ANAPC5: variants seen among roughly 807,000 people sequenced by gnomAD.
ANAPC5 encodes anaphase-promoting complex subunit 5.
ANAPC5 carries 60 observed loss-of-function variants against 91.3 expected under a neutral mutation model. That is an observed-to-expected ratio of 0.66 (90% CI 0.53 to 0.81). The LOEUF is 0.81. ANAPC5 is among the 40% of genes least tolerant of loss of function. The pLI is 0.00. For missense variants in ANAPC5, 690 were observed against 931.5 expected (o/e 0.74, Z 3.37); for synonymous variants, 340 against 364.1 (o/e 0.93, Z 0.75).
intron 15 of ANAPC5, among the ~76,000 whole-genome samples, chr12:121,314,507 A>G (rs575928560): frequency 6.6e-6 from 1 of 152,322 alleles, no homozygotes; most frequent in South Asian, 2.1e-4. Context: ...AAAACACTAA[A>G]TAAACTAGGA....
chr12:121,321,869 TTGC>T (rs941271289), intron 11 of ANAPC5, among the ~76,000 whole-genome samples: 6 of 150,448 alleles, frequency 4.0e-5, no homozygotes, highest in Admixed American at 2.6e-4. Flanking sequence ...GCTGTTGTTG[TTGC>T]TTTTTTTTTT....
upstream of ANAPC5, among the ~76,000 whole-genome samples, chr12:121,352,711 GTT>G (rs1555275612): frequency 6.8e-6 from 1 of 146,490 alleles, no homozygotes; most frequent in African/African-American, 2.5e-5. Flanking sequence ...GTTGTTGGTT[GTT>G]GTTGTTGGTG....
chr12:121,318,680 A>G, intron 13 of ANAPC5, 72 bp from the exon 14 acceptor site: 3 of 1,327,940 alleles, frequency 2.3e-6, no homozygotes, highest in South Asian at 2.4e-5. Context: ...AATTTATTCA[A>G]TTGCGCTATA....
chr12:121,313,823 CAATT>C (rs1202717750), intron 15 of ANAPC5, among the ~76,000 whole-genome samples: 1 of 152,136 alleles, frequency 6.6e-6, no homozygotes, highest in Non-Finnish European at 1.5e-5. Context: ...AACTTTAAAA[CAATT>C]AACACCAATC....
intron 9 of ANAPC5, chr12:121,328,720 C>T (rs2136783807): frequency 2.2e-6 from 1 of 455,438 alleles, no homozygotes; most frequent in East Asian, 3.7e-5. Flanking sequence ...AAAGAGCCAG[C>T]AGGGCTTTAG....
chr12:121,339,573 C>A (rs1463248348), intron 5 of ANAPC5, among the ~76,000 whole-genome samples: 1 of 152,114 alleles, frequency 6.6e-6, no homozygotes, highest in Non-Finnish European at 1.5e-5. Flanking sequence ...TGGGTTCAAG[C>A]GATTCTTCTG....
At chr12:121,334,606 A>G (rs1437934101) in intron 7 of ANAPC5, 1 of 152,176 alleles carries the variant, frequency 6.6e-6, no homozygotes, top group Non-Finnish European at 1.5e-5. Flanking sequence ...ATTTACTAAA[A>G]CATAATTGAT....
In ANAPC5 at chr12:121,318,427, G is replaced by T; in HGVS notation, c.1746-3C>A. 1 of 1,610,730 alleles carries T rather than the reference G, an allele frequency of 6.2e-7. No homozygotes were observed. Among genetic ancestry groups the T allele is most frequent in the South Asian group, 1.1e-5 (1 of 90,666 alleles). Reference sequence around the variant, plus strand: ...GCTCTGCCACGGACAGTAGGACACTGACCGTAAAGAGGAAAACACAGGATG... The same window carrying T: ...GCTCTGCCACGGACAGTAGGACACTTACCGTAAAGAGGAAAACACAGGATG... On this transcript the variant is annotated splice_region_variant and splice_polypyrimidine_tract_variant and intron_variant, in intron 14 of 16. Transcript: ENST00000261819.
intron 4 of ANAPC5, among the ~76,000 whole-genome samples, chr12:121,343,224 G>A (rs1336507203): frequency 6.6e-6 from 1 of 152,176 alleles, no homozygotes; most frequent in Non-Finnish European, 1.5e-5. Context: ...TAACATTTCT[G>A]CAGAAGTGAC....
In ANAPC5 at chr12:121,342,030, T is replaced by C; in HGVS notation, c.630A>G (p.Lys210=). The C allele has an allele frequency of 1.2e-6, 2 of 1,608,536 alleles. No individual in the cohort carries two copies. Among genetic ancestry groups the C allele is most frequent in the Non-Finnish European group, 8.5e-7 (1 of 1,178,232 alleles). Residue 210 remains lysine (K), a synonymous_variant, in exon 5 of 17, where the codon AAA becomes AAG. Transcript: ENST00000261819. This position sits in a 1 kb window ranked among gnomAD's most constrained non-coding sequence, Gnocchi z 4.1. ...EVSCSGPLSQ[K]QAEFFLSQQA... ...GTTGAGAAAGAAAAAATTCTGCTTG[T>C]TTTTGGGACAGAGGCCCACTGCAAG... is the stretch of plus-strand genomic sequence containing the variant.
At chr12:121,347,271 T>G in intron 2 of ANAPC5, 3 of 419,534 alleles carry the variant, frequency 7.2e-6, no homozygotes, top group South Asian at 6.5e-5. Flanking sequence ...CTAAAAAGAG[T>G]AAGATGGATC....
intron 9 of ANAPC5, among the ~76,000 whole-genome samples, chr12:121,330,187 C>T (rs1902989798): frequency 6.6e-6 from 1 of 152,104 alleles, no homozygotes; most frequent in Admixed American, 6.5e-5. Flanking sequence ...ATGTAAAATC[C>T]ACTCAGCCTG....
chr12:121,350,452 C>T (rs550931187), intron 1 of ANAPC5, among the ~76,000 whole-genome samples: 3 of 152,100 alleles, frequency 2.0e-5, no homozygotes, highest in Admixed American at 6.5e-5. Flanking sequence ...GAGGCCGAGG[C>T]GGACAGATCA....
At chr12:121,309,224 G>T (rs1465388591) in intron 16 of ANAPC5, among the ~76,000 whole-genome samples, 1 of 151,414 alleles carries the variant, frequency 6.6e-6, no homozygotes, top group Non-Finnish European at 1.5e-5. Flanking sequence ...GCTGAGGTGG[G>T]CAGATCACAA....
intron 6 of ANAPC5, 115 bp from the exon 7 acceptor site, chr12:121,335,838 G>A: frequency 1.2e-6 from 1 of 820,224 alleles, no homozygotes; most frequent in Admixed American, 3.1e-5. Context: ...CTTCTAATAA[G>A]ATGGTCATAG....
In ANAPC5 at chr12:121,308,270, A is replaced by C. The variant is rs982825516; in HGVS notation, c.*210T>G. The C allele has an allele frequency of 1.8e-6, 1 of 542,546 alleles. No individual in the cohort carries two copies. The allele number at this position is 542,546 out of a possible 1,614,324, so 33.6% of individuals were successfully genotyped here. The stretch of plus-strand genomic sequence containing the variant: ...TTGTTAGCAAAATACCCATTTATTA[A>C]GAAAAAGTTGGTGTCCTTTGCTACC... On this transcript the variant is annotated 3_prime_UTR_variant, in exon 17 of 17. Transcript: ENST00000261819.
chr12:121,323,854 G>C (rs954420238), intron 11 of ANAPC5, among the ~76,000 whole-genome samples: 4 of 152,164 alleles, frequency 2.6e-5, no homozygotes, highest in African/African-American at 9.7e-5. Flanking sequence ...AGGGAGTCGG[G>C]CATGGGGATA....
chr12:121,322,983 C>G (rs898521911), intron 11 of ANAPC5, among the ~76,000 whole-genome samples: 1 of 152,106 alleles, frequency 6.6e-6, no homozygotes, highest in Non-Finnish European at 1.5e-5. Context: ...TGAGATCACA[C>G]CACTGCACTC....
In ANAPC5 at chr12:121,352,176, C is replaced by A. The variant is rs1555275459; in HGVS notation, c.165G>T (p.Met55Ile). 10 of 1,613,070 alleles carry A rather than the reference C, an allele frequency of 6.2e-6. No individual in the cohort carries two copies. The highest frequency in any genetic ancestry group is 6.8e-6 in the Non-Finnish European group (8 of 1,179,240). ...SRTGEGAVSL[M>I]ERRRLNQLLL... ...GCAGCTGGTTGAGCCTCCGCCGCTC[C>A]ATGAGGCTGACGGCGCCCTCGCCTG... Residue 55 changes from methionine to isoleucine, a missense_variant, in exon 1 of 17, where the codon ATG becomes ATT. Transcript: ENST00000261819.
Sources: gnomAD v4.1 joint callset for allele counts (sites outside exome capture counted in the v4.1 genomes callset) on GRCh38, gnomAD v4.1.1 for gene constraint, Gnocchi (gnomAD v3.1) non-coding constraint, MANE v1.5 for transcripts, NCBI Gene and HGNC (gene_info 2026-07-23, HGNC 2026-07-21) for gene names.